SLC17A2: variants seen among roughly 807,000 people sequenced by gnomAD.
SLC17A2 encodes the protein sodium-dependent phosphate transport protein 3.
A neutral mutation model predicts 52.1 loss-of-function variants in SLC17A2; 38 were observed. The ratio of observed to expected loss-of-function variants is 0.73; its 90% confidence interval spans 0.56 to 0.96. The LOEUF (loss-of-function observed/expected upper bound fraction) is 0.96, where lower values mean the gene tolerates loss of function less well. SLC17A2 is among the 40% of genes least tolerant of loss of function. SLC17A2 has a pLI of 0.00. For missense variants in SLC17A2, 508 were observed against 583.9 expected (o/e 0.87, Z 1.34); for synonymous variants, 226 against 211.9 (o/e 1.07, Z -0.58).
intron 10 of SLC17A2, among the ~76,000 whole-genome samples, 171 bp from the exon 11 acceptor site, chr6:25,914,841 A>G (rs905426910): frequency 2.0e-5 from 3 of 152,070 alleles, no homozygotes; most frequent in Admixed American, 1.3e-4. Flanking sequence ...ACCTGAAATT[A>G]CCAATCTACC....
At position 25,915,840 on chromosome 6, in the gene SLC17A2, A is replaced by G. The variant is rs1411914484; in HGVS notation, c.959T>C (p.Ile320Thr). The change falls in exon 9 of 12, where the codon ATT becomes ACT. Residue 320 changes from isoleucine to threonine, a missense_variant. Ile to Thr is a moderately conservative substitution (Grantham distance 89). Transcript: ENST00000377850. ...TAAAATTGTACAGCTTGCAGCAGCA[A>G]TAAAAGGCAGGGAGGACAGAACTCC... ...DSGVLSSLPFIAAASCTILGG... is the reference protein window; with the variant it reads ...DSGVLSSLPFTAAASCTILGG... The G allele has an allele frequency of 2.5e-6, 4 of 1,614,164 alleles. No homozygotes were observed. Among genetic ancestry groups the G allele is most frequent in the Non-Finnish European group, 3.4e-6 (4 of 1,179,994 alleles).
At chr6:25,926,314 G>A (rs1307040621) in intron 1 of SLC17A2, among the ~76,000 whole-genome samples, 4 of 152,192 alleles carry the variant, frequency 2.6e-5, no homozygotes, top group Admixed American at 6.5e-5. Flanking sequence ...TCATTCTGAT[G>A]GTGTTTCTCT....
chr6:25,914,740 T>C (rs2151542054), intron 10 of SLC17A2, 70 bp from the exon 11 acceptor site: 1 of 940,230 alleles, frequency 1.1e-6, no homozygotes, highest in African/African-American at 1.6e-5. Flanking sequence ...CAACTCAACT[T>C]TAATGCAATT....
At chr6:25,927,012 G>A (rs1358349373) in intron 1 of SLC17A2, among the ~76,000 whole-genome samples, 1 of 152,244 alleles carries the variant, frequency 6.6e-6, no homozygotes, top group Non-Finnish European at 1.5e-5. Context: ...GTTGCAGTGA[G>A]CCAAGATCGT....
intron 5 of SLC17A2, among the ~76,000 whole-genome samples, chr6:25,919,906 G>A (rs890003532): frequency 1.2e-4 from 19 of 152,044 alleles, no homozygotes; most frequent in Non-Finnish European, 2.6e-4. Flanking sequence ...TGCTTGCACA[G>A]GGGAGTTGAG....
intron 1 of SLC17A2, among the ~76,000 whole-genome samples, chr6:25,929,950 T>TGCGCATAGGTGCAC (rs1766894493): frequency 6.6e-6 from 1 of 152,156 alleles, no homozygotes; most frequent in Non-Finnish European, 1.5e-5. Flanking sequence ...GCACTATGCA[T>TGCGCATAGGTGCAC]GCGCATAGGT....
Position 25,925,818 on chromosome 6 carries a change from A to G in SLC17A2, c.-22T>C. ...CCATTTAGCTTCTGTGGGAAATGGT[A>G]CCACGCTTTGTGGTGGAGTTTCCCT... On this transcript the variant is annotated 5_prime_UTR_variant, in exon 2 of 12. Coordinates refer to ENST00000377850, the MANE Select transcript of SLC17A2 (RefSeq NM_001286123.3). 6.2e-7 allele frequency: 1 copy of G among 1,613,928 alleles called. No individual in the cohort carries two copies. Among genetic ancestry groups the G allele is most frequent in the Non-Finnish European group, 8.5e-7 (1 of 1,179,768 alleles).
In SLC17A2 at chr6:25,913,400, T is replaced by C. The variant is rs150509035; in HGVS notation, c.1354A>G (p.Met452Val). 3 of 1,614,078 alleles carry C rather than the reference T, an allele frequency of 1.9e-6. No homozygotes were observed. Among genetic ancestry groups the C allele is most frequent in the Admixed American group, 1.7e-5 (1 of 60,024 alleles). ...GTGAGGTAAAAGACCAGGCCAAACA[T>C]GTTGACTGCAGCAGACAGGAAAAAG... is the stretch of plus-strand genomic sequence containing the variant. The part of the protein sequence containing the change: ...NVFFLSAAVN[M>V]FGLVFYLTFG... The change falls in exon 12 of 12, where the codon ATG becomes GTG. Residue 452 changes from methionine to valine, a missense_variant. Met to Val is a conservative substitution (Grantham distance 21). Coordinates refer to ENST00000377850, the MANE Select transcript of SLC17A2 (RefSeq NM_001286123.3).
At chr6:25,925,421 G>C (rs934986256) in intron 2 of SLC17A2, among the ~76,000 whole-genome samples, 4 of 151,236 alleles carry the variant, frequency 2.6e-5, no homozygotes, top group Non-Finnish European at 5.9e-5. Flanking sequence ...GCTGAGGCAG[G>C]AGAATCACTT....
Position 25,912,968 on chromosome 6 carries a change from A to G in SLC17A2, c.*349T>C, listed in dbSNP as rs568887988. 20 of 193,882 alleles carry G rather than the reference A, an allele frequency of 1.0e-4. No individual in the cohort carries two copies. Among genetic ancestry groups the G allele is most frequent in the Non-Finnish European group, 1.9e-4 (18 of 93,678 alleles). 12.0% of individuals were successfully genotyped at this position (193,882 alleles called of 1,614,324 possible). On this transcript the variant is annotated 3_prime_UTR_variant, in exon 12 of 12. Coordinates refer to ENST00000377850, the MANE Select transcript of SLC17A2 (RefSeq NM_001286123.3). ...ACCATGAAGATATTTATCAGTGATC[A>G]TTTTCACATGAATTTTTATTTATTT...
chr6:25,923,809 G>T lies in SLC17A2; in HGVS notation c.126C>A (p.Ile42=). Residue 42 remains isoleucine, a synonymous_variant, in exon 3 of 12, where the codon ATC becomes ATA. Transcript: ENST00000377850. Reference sequence around the variant, plus strand: ...GCTGAGTGGTGTTCACCATGGCGATGATCGCAATGCTCAGACTCACACGCT... The same window carrying T: ...GCTGAGTGGTGTTCACCATGGCGATTATCGCAATGCTCAGACTCACACGCT... ...ITQRVSLSIA[I]IAMVNTTQQQ... The T allele has an allele frequency of 6.2e-7, 1 of 1,614,150 alleles. No individual in the cohort carries two copies. Among genetic ancestry groups the T allele is most frequent in the South Asian group, 1.1e-5 (1 of 91,082 alleles).
intron 6 of SLC17A2, among the ~76,000 whole-genome samples, 166 bp downstream of exon 6, chr6:25,918,321 C>T (rs538895150): frequency 3.5e-4 from 53 of 152,258 alleles, no homozygotes; most frequent in African/African-American, 1.2e-3. Context: ...AGGTGTTAAT[C>T]AGGTTGTGTG....
chr6:25,924,508 T>TA lies in SLC17A2; in HGVS notation c.29-603dup, dbSNP rs201389996. Among the ~76,000 whole-genome samples, 704 of 138,616 alleles carry TA rather than the reference T, an allele frequency of 5.1e-3. 1 individual carries two copies. Among genetic ancestry groups the TA allele is most frequent in the Admixed American group, 5.7e-3 (79 of 13,876 alleles). 90.9% of individuals were successfully genotyped at this position (138,616 alleles called of 152,430 possible). A position where few individuals can be genotyped will look rare whatever the true frequency, so the allele number is the denominator to read the frequency against. ...GTCCTGCCTTCACATATGTTCAACT[T>TA]AAAAAAAAAAAAAAACTACGTGGGG... On this transcript the variant is annotated intron_variant, in intron 2 of 11. Coordinates refer to ENST00000377850, the MANE Select transcript of SLC17A2 (RefSeq NM_001286123.3).
At chr6:25,929,072 G>T (rs1386936931) in intron 1 of SLC17A2, among the ~76,000 whole-genome samples, 1 of 151,986 alleles carries the variant, frequency 6.6e-6, no homozygotes, top group Non-Finnish European at 1.5e-5. Flanking sequence ...TCGTTAGATT[G>T]CTCTTAGATT....
chr6:25,927,324 T>C (rs1024202576), intron 1 of SLC17A2, among the ~76,000 whole-genome samples: 6 of 152,198 alleles, frequency 3.9e-5, no homozygotes, highest in Non-Finnish European at 7.3e-5. Context: ...GTCAATTTGA[T>C]AGATTATTGT....
intron 2 of SLC17A2, 104 bp downstream of exon 2, chr6:25,925,665 G>A: frequency 1.9e-6 from 2 of 1,049,902 alleles, no homozygotes; most frequent in Non-Finnish European, 3.0e-6. Context: ...ATGTTACACT[G>A]GGAGTATCTT....
intron 10 of SLC17A2, among the ~76,000 whole-genome samples, chr6:25,915,294 A>T (rs555361205): frequency 6.6e-6 from 1 of 151,386 alleles, no homozygotes; most frequent in Admixed American, 6.6e-5. Flanking sequence ...TTTTGTCAAA[A>T]TGATTACTGG....
At chr6:25,927,918 C>T (rs144343183) in intron 1 of SLC17A2, among the ~76,000 whole-genome samples, 247 of 152,308 alleles carry the variant, frequency 1.6e-3, no homozygotes, top group African/African-American at 5.6e-3. Context: ...TGGTCAAACC[C>T]AGAGTTTGGA....
rs1766549501 is a variant in SLC17A2 at position 25,921,294 on chromosome 6, T to A, written c.359A>T (p.Lys120Ile). The A allele has an allele frequency of 2.5e-6, 4 of 1,614,052 alleles. No homozygotes were observed. The highest frequency in any genetic ancestry group is 8.5e-7 in the Non-Finnish European group (1 of 1,180,030). Residue 120 changes from lysine (K) to isoleucine (I), a missense_variant, in exon 4 of 12, where the codon AAA becomes ATA. Transcript: ENST00000377850. ...GATCAGCAAACCAGCACCAAGCATTTTTTTTGCTCCAAATATCCCTGCTAA... is the reference window on the plus strand; with the variant it reads ...GATCAGCAAACCAGCACCAAGCATTATTTTTGCTCCAAATATCCCTGCTAA... ...GYLAGIFGAK[K>I]MLGAGLLISS...
Sources: gnomAD v4.1 joint callset for allele counts (sites outside exome capture counted in the v4.1 genomes callset) on GRCh38, gnomAD v4.1.1 for gene constraint, MANE v1.5 for transcripts, NCBI Gene and HGNC (gene_info 2026-07-23, HGNC 2026-07-21) for gene names.